The following PARD3 variants were observed in gnomAD, a reference collection of about 807,000 sequenced individuals.
PARD3 encodes the protein partitioning defective 3 homolog.
Under a neutral mutation model 155.4 loss-of-function variants are expected in PARD3, and 75 were observed. The observed-to-expected ratio is 0.48, with a 90% CI of 0.40 to 0.58. PARD3 has a LOEUF of 0.58. Among genes scored for constraint, PARD3 ranks in the 20% least tolerant of loss-of-function variants. The pLI, the probability that PARD3 is intolerant of heterozygous loss-of-function variation, is 0.00. For missense variants in PARD3, 1,642 were observed against 1,721.7 expected, an observed-to-expected ratio of 0.95 and a Z score of 0.82; for synonymous variants, 576 against 610.5, an observed-to-expected ratio of 0.94 and a Z score of 0.83.
chr10:34,480,281 G>A (rs1446310769), intron 3 of PARD3, among the ~76,000 whole-genome samples: 2 of 152,200 alleles, frequency 1.3e-5, no homozygotes, highest in Non-Finnish European at 2.9e-5. Flanking sequence ...CTGTCACCCA[G>A]GCTGGAGTGC....
rs116265635 is a variant in PARD3 at position 34,697,192 on chromosome 10, C to T, written c.121-773G>A. On this transcript the variant is annotated intron_variant, in intron 1 of 24. Transcript: ENST00000374788. ...CCTTAAAACTCTGCTTTCAAATGATCTGAAGAAGAAACATAGTTGTGTGTT... is the reference window on the plus strand; with the variant it reads ...CCTTAAAACTCTGCTTTCAAATGATTTGAAGAAGAAACATAGTTGTGTGTT... 9.0e-3 allele frequency among the ~76,000 whole-genome samples: 1,365 copies of T among 152,272 alleles called. 11 individuals carry two copies. Among genetic ancestry groups the T allele is most frequent in the African/African-American group, 0.031 (1,301 of 41,548 alleles).
At chr10:34,733,803 G>T (rs2133830789) in intron 1 of PARD3, among the ~76,000 whole-genome samples, 1 of 152,306 alleles carries the variant, frequency 6.6e-6, no homozygotes, top group East Asian at 1.9e-4. Flanking sequence ...CCCTGCCATG[G>T]TTAGAGTTTT....
intron 20 of PARD3, among the ~76,000 whole-genome samples, chr10:34,299,167 C>A (rs1466601635): frequency 6.6e-6 from 1 of 152,166 alleles, no homozygotes; most frequent in Non-Finnish European, 1.5e-5. Flanking sequence ...CAACAGAGTG[C>A]GAGGAGGAGC....
At chr10:34,347,079 T>C (rs1324928583) in intron 15 of PARD3, among the ~76,000 whole-genome samples, 1 of 152,240 alleles carries the variant, frequency 6.6e-6, no homozygotes, top group Non-Finnish European at 1.5e-5. Context: ...GAAACTTGAA[T>C]TGTATTAAAT....
At chr10:34,453,642 G>GT (rs2077176975) in intron 4 of PARD3, among the ~76,000 whole-genome samples, 1 of 152,174 alleles carries the variant, frequency 6.6e-6, no homozygotes, top group African/African-American at 2.4e-5. Flanking sequence ...TGTAATCACT[G>GT]TATTTTTAGA....
At chr10:34,541,618 A>T (rs1340548895) in intron 2 of PARD3, among the ~76,000 whole-genome samples, 5 of 152,202 alleles carry the variant, frequency 3.3e-5, no homozygotes, top group Non-Finnish European at 5.9e-5. Context: ...GTGTCAGATT[A>T]TAGGGAGGAG....
intron 2 of PARD3, among the ~76,000 whole-genome samples, chr10:34,517,548 AACT>A (rs1489174447): frequency 2.6e-5 from 4 of 152,200 alleles, no homozygotes; most frequent in African/African-American, 7.2e-5. Flanking sequence ...ACATGGTATG[AACT>A]ACTATTCACA....
At chr10:34,533,357 A>G (rs755565943) in intron 2 of PARD3, among the ~76,000 whole-genome samples, 1 of 152,182 alleles carries the variant, frequency 6.6e-6, no homozygotes, top group African/African-American at 2.4e-5. Context: ...GGGATCATCC[A>G]TACCCCAAAC....
rs553003461 is a variant in PARD3, at chr10:34,579,326, T to C, written c.223-62167A>G. Among the ~76,000 whole-genome samples, 69 of 151,394 alleles carry C rather than the reference T, an allele frequency of 4.6e-4. No homozygotes were observed. In the South Asian group the frequency reaches 0.014, roughly 32 times the overall value. On this transcript the variant is annotated intron_variant, in intron 2 of 24. Transcript: ENST00000374788. The stretch of plus-strand genomic sequence containing the variant: ...ACCAGTGTAGCAGCATCCTTTTCAA[T>C]AAACCCCAGCGCCTCTAAGCACTAC...
intron 14 of PARD3, among the ~76,000 whole-genome samples, chr10:34,354,949 A>G (rs2134443559): frequency 6.6e-6 from 1 of 152,340 alleles, no homozygotes; most frequent in African/African-American, 2.4e-5. Flanking sequence ...ATTGCAGAGA[A>G]AACCCTCAGG....
At chr10:34,720,616 G>A (rs1322560565) in intron 1 of PARD3, among the ~76,000 whole-genome samples, 2 of 152,020 alleles carry the variant, frequency 1.3e-5, no homozygotes, top group African/African-American at 4.8e-5. Flanking sequence ...TGACCAACAA[G>A]GAGAAATCTT....
intron 1 of PARD3, among the ~76,000 whole-genome samples, chr10:34,743,480 G>A (rs973005562): frequency 6.6e-6 from 1 of 152,160 alleles, no homozygotes; most frequent in Non-Finnish European, 1.5e-5. Flanking sequence ...CTGTCACACA[G>A]AAGACCACAT....
At chr10:34,515,166 A>G (rs959192632) in intron 3 of PARD3, among the ~76,000 whole-genome samples, 1 of 152,212 alleles carries the variant, frequency 6.6e-6, no homozygotes, top group African/African-American at 2.4e-5. Context: ...AAAATCAACC[A>G]GGGTAACTAG....
At chr10:34,632,598 C>T (rs2092315212) in intron 2 of PARD3, among the ~76,000 whole-genome samples, 1 of 152,096 alleles carries the variant, frequency 6.6e-6, no homozygotes. Context: ...GGCATCTGTA[C>T]CAGGTAGATA....
At chr10:34,674,729 C>T (rs1236201659) in intron 2 of PARD3, among the ~76,000 whole-genome samples, 1 of 152,058 alleles carries the variant, frequency 6.6e-6, no homozygotes, top group Admixed American at 6.6e-5. Flanking sequence ...TAAGGTGATC[C>T]ACCTGTCTCG....
intron 2 of PARD3, among the ~76,000 whole-genome samples, chr10:34,568,222 A>T (rs1282434054): frequency 2.0e-5 from 3 of 152,182 alleles, no homozygotes; most frequent in African/African-American, 7.2e-5. Context: ...ACTGACCATA[A>T]AGGTAAATCG....
chr10:34,538,217 C>T (rs1399639282), intron 2 of PARD3, among the ~76,000 whole-genome samples: 2 of 152,138 alleles, frequency 1.3e-5, no homozygotes, highest in Non-Finnish European at 2.9e-5. Context: ...GAAGAAAAAC[C>T]TCTGAATTCG....
chr10:34,692,777 G>A (rs994260064), intron 2 of PARD3, among the ~76,000 whole-genome samples: 1 of 152,202 alleles, frequency 6.6e-6, no homozygotes, highest in Admixed American at 6.5e-5. Flanking sequence ...GGGAGGCTGA[G>A]GCCAGAGAAT....
intron 1 of PARD3, among the ~76,000 whole-genome samples, chr10:34,704,054 C>T (rs1036039482): frequency 1.3e-5 from 2 of 152,102 alleles, no homozygotes; most frequent in Admixed American, 6.6e-5. Context: ...GCTCCCGGGA[C>T]GATGGTGAAG....
Sources: gnomAD v4.1 joint callset for allele counts (sites outside exome capture counted in the v4.1 genomes callset) on GRCh38, gnomAD v4.1.1 for gene constraint, MANE v1.5 for transcripts, NCBI Gene and HGNC (gene_info 2026-07-23, HGNC 2026-07-21) for gene names.